The following XPR1 variants were observed in gnomAD, a reference collection of about 807,000 sequenced individuals.
XPR1 encodes the protein xenotropic and polytropic retrovirus receptor 1, also known as solute carrier family 53 member 1.
XPR1 carries 28 observed loss-of-function variants against 87.5 expected under a neutral mutation model. The ratio of observed to expected loss-of-function variants is 0.32; its 90% CI spans 0.24 to 0.44. The LOEUF (loss-of-function observed/expected upper bound fraction) is 0.44, where lower values mean the gene tolerates loss of function less well. Among genes scored for constraint, XPR1 ranks in the 20% least tolerant of loss-of-function variants. The pLI, the probability that XPR1 is intolerant of heterozygous loss-of-function variation, is 1.00. For missense variants in XPR1, 559 were observed against 862.3 expected (o/e 0.65, Z 4.41); for synonymous variants, 300 against 306.1 (o/e 0.98, Z 0.21).
intron 2 of XPR1, among the ~76,000 whole-genome samples, chr1:180,682,706 C>T (rs1043415798): frequency 6.6e-6 from 1 of 151,878 alleles, no homozygotes; most frequent in African/African-American, 2.4e-5. Flanking sequence ...CTTGCCTTCC[C>T]TCCCCTCCCC....
intron 2 of XPR1, among the ~76,000 whole-genome samples, chr1:180,706,779 T>A (rs1455323439): frequency 2.6e-5 from 4 of 151,612 alleles, no homozygotes; most frequent in Non-Finnish European, 4.4e-5. Context: ...GCCTGGCTAT[T>A]TTTTTTTATT....
chr1:180,840,562 GTGTGTA>G lies in XPR1; in HGVS notation c.1501+3848_1501+3853del, dbSNP rs1242018059. On this transcript the variant is annotated intron_variant, in intron 11 of 14. Coordinates refer to ENST00000367590, the MANE Select transcript of XPR1 (RefSeq NM_004736.4). ...TGTGTGTGTGTGTGTGTGTGTGTGT[GTGTGTA>G]TATATATATATATATATATATAAAC... Among the ~76,000 whole-genome samples the G allele has an allele frequency of 1.0e-4, 14 of 135,148 alleles. No homozygotes were observed. The East Asian group carries it at 1.1e-3, about 10-fold the overall frequency. 88.7% of individuals were successfully genotyped at this position (135,148 alleles called of 152,430 possible).
chr1:180,866,875 A>G (rs1248275541), intron 12 of XPR1, among the ~76,000 whole-genome samples: 5 of 130,622 alleles, frequency 3.8e-5, no homozygotes, highest in Non-Finnish European at 7.9e-5. Flanking sequence ...GGTTAGTTAC[A>G]TATGTATACA....
chr1:180,761,802 C>T (rs1406351386), intron 2 of XPR1, among the ~76,000 whole-genome samples: 2 of 152,040 alleles, frequency 1.3e-5, no homozygotes, highest in Non-Finnish European at 2.9e-5. Context: ...AATCATGCTG[C>T]TATAAAGACA....
intron 2 of XPR1, among the ~76,000 whole-genome samples, chr1:180,776,066 C>T (rs1648704852): frequency 6.6e-6 from 1 of 152,128 alleles, no homozygotes; most frequent in Non-Finnish European, 1.5e-5. Flanking sequence ...CTCTGAAATA[C>T]TCAAATACTC....
rs1653132273 is a variant in XPR1 at position 180,889,846 on chromosome 1, A to G, written c.*5780A>G. On this transcript the variant is annotated 3_prime_UTR_variant, in exon 15 of 15. Transcript: ENST00000367590. Reference sequence around the variant, plus strand: ...TGTGTTGGTCAAATGATACTATTCTATGAAACCCTGAGCTATAGTTGTCAA... The same window carrying G: ...TGTGTTGGTCAAATGATACTATTCTGTGAAACCCTGAGCTATAGTTGTCAA... 6.6e-6 allele frequency: 1 copy of G among 152,228 alleles called. No homozygotes were observed. The highest frequency in any genetic ancestry group is 1.5e-5 in the Non-Finnish European group (1 of 68,046). 9.4% of individuals were successfully genotyped at this position (152,228 alleles called of 1,614,324 possible).
chr1:180,716,797 G>A (rs1658010416), intron 2 of XPR1, among the ~76,000 whole-genome samples: 1 of 152,154 alleles, frequency 6.6e-6, no homozygotes. Context: ...TTGCTACCTT[G>A]AAACAAATGA....
At chr1:180,797,139 A>G (rs1649614738) in intron 3 of XPR1, among the ~76,000 whole-genome samples, 1 of 152,230 alleles carries the variant, frequency 6.6e-6, no homozygotes. Flanking sequence ...TTGCATGTTT[A>G]CAGTAGATGA....
chr1:180,648,346 C>T (rs868143208), intron 1 of XPR1, among the ~76,000 whole-genome samples: 30 of 152,316 alleles, frequency 2.0e-4, no homozygotes, highest in Middle Eastern at 6.8e-3. Flanking sequence ...ATGTGAGAGT[C>T]TCTCATTTCT....
intron 2 of XPR1, among the ~76,000 whole-genome samples, chr1:180,746,780 A>G (rs1647275465): frequency 6.6e-6 from 1 of 152,164 alleles, no homozygotes; most frequent in Non-Finnish European, 1.5e-5. Context: ...AAAAATCATT[A>G]CCTTGCTAGA....
chr1:180,843,612 C>T (rs1199673639), intron 11 of XPR1, among the ~76,000 whole-genome samples: 1 of 151,184 alleles, frequency 6.6e-6, no homozygotes, highest in African/African-American at 2.4e-5. Flanking sequence ...ATAATTATAT[C>T]CCATCTTAAA....
chr1:180,796,940 A>C (rs1357011935), intron 3 of XPR1, among the ~76,000 whole-genome samples: 1 of 152,204 alleles, frequency 6.6e-6, no homozygotes, highest in Non-Finnish European at 1.5e-5. Flanking sequence ...TGATTCTTTT[A>C]CATGAAATGT....
At chr1:180,866,448 A>C (rs1652392979) in intron 12 of XPR1, among the ~76,000 whole-genome samples, 1 of 152,158 alleles carries the variant, frequency 6.6e-6, no homozygotes. Context: ...TTATATTCAC[A>C]CTTAATTTTT....
chr1:180,873,497 A>C (rs1201610005), intron 12 of XPR1, among the ~76,000 whole-genome samples: 1 of 152,224 alleles, frequency 6.6e-6, no homozygotes, highest in African/African-American at 2.4e-5. Flanking sequence ...TAACCAGCTT[A>C]TATTTCTGGG....
intron 1 of XPR1, among the ~76,000 whole-genome samples, chr1:180,648,411 T>C: frequency 6.6e-6 from 1 of 152,194 alleles, no homozygotes; most frequent in East Asian, 1.9e-4. Flanking sequence ...TGCATCAGAA[T>C]TACCTGGGCT....
At chr1:180,793,862 TTTCC>T (rs1649473300) in intron 3 of XPR1, among the ~76,000 whole-genome samples, 1 of 152,190 alleles carries the variant, frequency 6.6e-6, no homozygotes. Flanking sequence ...TTTTTTTCTC[TTTCC>T]TTCCTTCCTT....
At chr1:180,716,196 G>A (rs1181286736) in intron 2 of XPR1, among the ~76,000 whole-genome samples, 1 of 152,068 alleles carries the variant, frequency 6.6e-6, no homozygotes, top group Admixed American at 6.6e-5. Flanking sequence ...GAGTTCAGTG[G>A]CGCTGCCTCG....
chr1:180,721,861 A>G (rs1658189073), intron 2 of XPR1, among the ~76,000 whole-genome samples: 1 of 152,210 alleles, frequency 6.6e-6, no homozygotes, highest in African/African-American at 2.4e-5. Flanking sequence ...AGAATACAGT[A>G]TATAATACAT....
intron 3 of XPR1, among the ~76,000 whole-genome samples, chr1:180,788,386 A>G (rs1351920341): frequency 2.0e-5 from 3 of 152,216 alleles, no homozygotes; most frequent in South Asian, 4.1e-4. Context: ...CAATGTACAT[A>G]ATATACATTA....
Sources: gnomAD v4.1 joint callset for allele counts (sites outside exome capture counted in the v4.1 genomes callset) on GRCh38, gnomAD v4.1.1 for gene constraint, MANE v1.5 for transcripts, NCBI Gene and HGNC (gene_info 2026-07-23, HGNC 2026-07-21) for gene names.